Variants in ESYT3 observed in about 807,000 individuals in gnomAD.
ESYT3 encodes extended synaptotagmin-3.
A neutral mutation model predicts 111.5 loss-of-function variants in ESYT3; 101 were observed. That is an observed-to-expected ratio of 0.91 (90% confidence interval 0.77 to 1.07). The LOEUF is 1.07. ESYT3 is among the 50% of genes least tolerant of loss of function. ESYT3 has a pLI of 0.00. For synonymous variants in ESYT3, 416 were observed against 446.8 expected, an observed-to-expected ratio of 0.93 and a Z score of 0.87; for missense variants, 1,097 against 1,109.4, an observed-to-expected ratio of 0.99 and a Z score of 0.16.
In ESYT3 at chr3:138,468,674, C is replaced by G; in HGVS notation, c.1328C>G (p.Thr443Ser). ...TTGCAGGACCATGGTGGCCTTTCCA[C>G]TGCCATTCTCGTGGTCTTCTTGGAG... ...VLTEDHGGLS[T>S]AILVVFLESA... The change falls in exon 13 of 23, where the codon ACT becomes AGT. Residue 443 changes from threonine (T) to serine (S), a missense_variant. Coordinates refer to ENST00000389567, the MANE Select transcript of ESYT3 (RefSeq NM_031913.5). 6.2e-7 allele frequency: 1 copy of G among 1,614,168 alleles called. No individual in the cohort carries two copies. Among genetic ancestry groups the G allele is most frequent in the Middle Eastern group, 1.6e-4 (1 of 6,062 alleles).
chr3:138,459,100 T>A, intron 4 of ESYT3, 87 bp from the exon 5 acceptor site: 1 of 1,086,530 alleles, frequency 9.2e-7, no homozygotes, highest in Non-Finnish European at 1.3e-6. Context: ...GGGCTCCGGC[T>A]GTGTGACACT....
chr3:138,476,678 G>A, intron 22 of ESYT3, 140 bp from the exon 23 acceptor site: 1 of 1,083,254 alleles, frequency 9.2e-7, no homozygotes, highest in East Asian at 2.4e-5. Context: ...CCTTAACCCT[G>A]AACCCTGGCT....
In ESYT3 at chr3:138,469,495, T is replaced by C. The variant is rs1435595688; in HGVS notation, c.1494T>C (p.His498=). ...AACTATCTGTAGGCAAGAAGACACA[T>C]ACAAGTAAGGTAAGACAGCTTGGTG... The part of the protein sequence containing the change: ...YVKLSVGKKT[H]TSKTCPHNKD... The change falls in exon 15 of 23, where the codon CAT becomes CAC. Residue 498 remains histidine, a synonymous_variant. Coordinates refer to ENST00000389567, the MANE Select transcript of ESYT3 (RefSeq NM_031913.5). 4 of 1,613,700 alleles carry C rather than the reference T, an allele frequency of 2.5e-6. No homozygotes were observed. The highest frequency in any genetic ancestry group is 3.4e-6 in the Non-Finnish European group (4 of 1,179,834).
Position 138,462,248 on chromosome 3 carries a change from C to A in ESYT3, c.915+42C>A, listed in dbSNP as rs75611734. 4.3e-6 allele frequency: 7 copies of A among 1,613,476 alleles called. 1 individual carries two copies. The East Asian group carries it at 1.6e-4, about 36-fold the overall frequency. On this transcript the variant is annotated intron_variant, in intron 8 of 22. Coordinates refer to ENST00000389567, the MANE Select transcript of ESYT3 (RefSeq NM_031913.5). ...AGCCACAGACCAGCCTGCTGGGAGG[C>A]AGCGCAAATATCCTCTCAGCCTTCA...
At chr3:138,458,856 C>T (rs773160057) in intron 4 of ESYT3, among the ~76,000 whole-genome samples, 11 of 152,204 alleles carry the variant, frequency 7.2e-5, no homozygotes, top group Non-Finnish European at 1.5e-4. Flanking sequence ...CCAAGAGCCC[C>T]TCCTTTTCAT....
chr3:138,475,440 C>A (rs76543402), intron 20 of ESYT3, among the ~76,000 whole-genome samples: 1 of 152,292 alleles, frequency 6.6e-6, no homozygotes, highest in Non-Finnish European at 1.5e-5. Context: ...GCAGCCTCCA[C>A]CCTAAAAATA....
chr3:138,455,391 C>G, intron 3 of ESYT3, 63 bp downstream of exon 3: 1 of 1,582,342 alleles, frequency 6.3e-7, no homozygotes, highest in Admixed American at 1.7e-5. Flanking sequence ...GTTCCCTCTC[C>G]TCCCACCTTT....
intron 10 of ESYT3, 41 bp from the exon 11 acceptor site, chr3:138,467,520 T>A (rs1460227712): frequency 1.2e-6 from 2 of 1,609,386 alleles, no homozygotes. Context: ...GCTGCTTTCT[T>A]CCTCTGAGCT....
Position 138,443,756 on chromosome 3 carries a change from G to GTGTGTGTGTGTGTGACT in ESYT3, c.328-8292_328-8291insTGTGTGTGTGTGTGACT, listed in dbSNP as rs1553810678. ...TGCATCTGTGTGTGTGTGTGTGTGT[G>GTGTGTGTGTGTGTGACT]ACATGGCTGCTCCATGGGAGAGCTG... On this transcript the variant is annotated intron_variant, in intron 1 of 22. Coordinates refer to ENST00000389567, the MANE Select transcript of ESYT3 (RefSeq NM_031913.5). 4.0e-3 allele frequency among the ~76,000 whole-genome samples: 601 copies of GTGTGTGTGTGTGTGACT among 151,470 alleles called. 3 individuals are homozygous for GTGTGTGTGTGTGTGACT. The highest frequency in any genetic ancestry group is 9.7e-3 in the African/African-American group (399 of 41,090).
At position 138,468,028 on chromosome 3, in the gene ESYT3, C is replaced by T. The variant is rs1017030987; in HGVS notation, c.1219-77C>T. The T allele has an allele frequency of 2.3e-5, 32 of 1,374,630 alleles. No individual in the cohort carries two copies. The African/African-American group carries it at 4.1e-4, about 18-fold the overall frequency. 85.2% of individuals were successfully genotyped at this position (1,374,630 alleles called of 1,614,324 possible). A position where few individuals can be genotyped will look rare whatever the true frequency, so the allele number is the denominator to read the frequency against. ...CTGTCCCTACTAGGATGCCAGGTCT[C>T]AGGACTGGGCTGCCCAGAGAGCATC... On this transcript the variant is annotated intron_variant, in intron 11 of 22. Coordinates refer to ENST00000389567, the MANE Select transcript of ESYT3 (RefSeq NM_031913.5).
Position 138,457,653 on chromosome 3 carries a change from T to C in ESYT3, c.581+9T>C, listed in dbSNP as rs767150810. 3 of 1,613,906 alleles carry C rather than the reference T, an allele frequency of 1.9e-6. No individual in the cohort carries two copies. The South Asian group carries it at 3.3e-5, about 18-fold the overall frequency. ...GTGGACCTGCAGATCTGGTGAGCTCTATCGGGCTGGGTATGGGCTTCGGGG... is the reference window on the plus strand; with the variant it reads ...GTGGACCTGCAGATCTGGTGAGCTCCATCGGGCTGGGTATGGGCTTCGGGG... On this transcript the variant is annotated intron_variant, in intron 4 of 22. Coordinates refer to ENST00000389567, the MANE Select transcript of ESYT3 (RefSeq NM_031913.5).
intron 4 of ESYT3, among the ~76,000 whole-genome samples, chr3:138,458,472 C>T (rs1226342353): frequency 6.6e-6 from 1 of 152,230 alleles, no homozygotes; most frequent in Non-Finnish European, 1.5e-5. Context: ...GTCTGGCTCA[C>T]TCCTGCCCTT....
In ESYT3 at chr3:138,479,374, A is replaced by G. The variant is rs1057139653; in HGVS notation, c.*2520A>G. ...AGAAGGGGCAGCTAGGCTGATTAAGAAAGTAAGTATTCAAGACCATATCTT... is the reference window on the plus strand; with the variant it reads ...AGAAGGGGCAGCTAGGCTGATTAAGGAAGTAAGTATTCAAGACCATATCTT... On this transcript the variant is annotated 3_prime_UTR_variant, in exon 23 of 23. Coordinates refer to ENST00000389567, the MANE Select transcript of ESYT3 (RefSeq NM_031913.5). 2.0e-5 allele frequency: 3 copies of G among 152,262 alleles called. No homozygotes were observed. The highest frequency in any genetic ancestry group is 1.3e-4 in the Admixed American group (2 of 15,290). The allele number at this position is 152,262 out of a possible 1,614,324, so 9.4% of individuals were successfully genotyped here. A position where few individuals can be genotyped will look rare whatever the true frequency, so the allele number is the denominator to read the frequency against.
chr3:138,470,906 G>A lies in ESYT3; in HGVS notation c.1620G>A (p.Leu540=), dbSNP rs1340215699. 3.7e-6 allele frequency: 6 copies of A among 1,614,034 alleles called. No individual in the cohort carries two copies. Among genetic ancestry groups the A allele is most frequent in the African/African-American group, 1.3e-5 (1 of 74,904 alleles). The part of the protein sequence containing the change: ...KVLDDDQECA[L]GMLEVPLCQI... ...TTGATGATGACCAGGAGTGTGCTCT[G>A]GGAATGCTGGAGGTCCCCCTGTGCC... is the stretch of plus-strand genomic sequence containing the variant. Residue 540 remains leucine (L), a synonymous_variant, in exon 17 of 23, where the codon CTG becomes CTA. Transcript: ENST00000389567.
chr3:138,439,357 A>C (rs2030970016), intron 1 of ESYT3, among the ~76,000 whole-genome samples: 1 of 149,374 alleles, frequency 6.7e-6, no homozygotes, highest in South Asian at 2.1e-4. Flanking sequence ...CTTCTGTGGA[A>C]CCCCCTGCAC....
chr3:138,447,870 CAGG>C (rs1207483221), intron 1 of ESYT3, among the ~76,000 whole-genome samples: 1 of 150,220 alleles, frequency 6.7e-6, no homozygotes, highest in Admixed American at 6.6e-5. Flanking sequence ...ATTGAAATCT[CAGG>C]AGGATTTTTT....
chr3:138,469,140 G>A (rs2033089195), intron 14 of ESYT3: 2 of 596,928 alleles, frequency 3.4e-6, no homozygotes. Context: ...GCTAAGAGGA[G>A]GAGCCAGATT....
At chr3:138,453,275 T>C (rs114443866) in intron 2 of ESYT3, among the ~76,000 whole-genome samples, 4,585 of 152,058 alleles carry the variant, frequency 0.03, 232 homozygotes, top group African/African-American at 0.1. Flanking sequence ...CAGAGGCCTA[T>C]ACAAGGCGTT....
In ESYT3 at chr3:138,470,934, A is replaced by T; in HGVS notation, c.1648A>T (p.Ile550Phe). 6.2e-7 allele frequency: 1 copy of T among 1,614,096 alleles called. No individual in the cohort carries two copies. Among genetic ancestry groups the T allele is most frequent in the Non-Finnish European group, 8.5e-7 (1 of 1,180,020 alleles). ...AATGCTGGAGGTCCCCCTGTGCCAG[A>T]TCCTCCCCTATGCTGACCTCACTCT... ...LGMLEVPLCQ[I>F]LPYADLTLEQ... The change falls in exon 17 of 23, where the codon ATC becomes TTC. Residue 550 changes from isoleucine to phenylalanine, a missense_variant. Transcript: ENST00000389567.
Sources: gnomAD v4.1 joint callset for allele counts (sites outside exome capture counted in the v4.1 genomes callset) on GRCh38, gnomAD v4.1.1 for gene constraint, MANE v1.5 for transcripts, NCBI Gene and HGNC (gene_info 2026-07-23, HGNC 2026-07-21) for gene names.